OPRM1: variants seen among roughly 807,000 people sequenced by gnomAD.
OPRM1 encodes the protein mu-type opioid receptor.
Under a neutral mutation model 31.8 loss-of-function variants are expected in OPRM1, and 27 were observed. The observed-to-expected ratio is 0.85, with a 90% CI of 0.63 to 1.17. The LOEUF (loss-of-function observed/expected upper bound fraction) is 1.17, where lower values mean the gene tolerates loss of function less well. OPRM1 is among the 50% of genes most tolerant of loss of function. The pLI, the probability that OPRM1 is intolerant of heterozygous loss-of-function variation, is 0.00. For synonymous variants in OPRM1, 196 were observed against 189.9 expected (o/e 1.03, Z -0.26); for missense variants, 536 against 511.1 (o/e 1.05, Z -0.47).
intron 3 of OPRM1, among the ~76,000 whole-genome samples, chr6:154,147,626 T>C (rs1411410371): frequency 6.6e-6 from 1 of 152,168 alleles, no homozygotes; most frequent in Non-Finnish European, 1.5e-5. Flanking sequence ...CTTCTTCTAT[T>C]AAGAAACAGC....
At chr6:154,244,706 C>G (rs1020823231) in intron 3 of OPRM1, among the ~76,000 whole-genome samples, 3 of 152,166 alleles carry the variant, frequency 2.0e-5, no homozygotes, top group African/African-American at 7.2e-5. Flanking sequence ...GCCAAGCCAG[C>G]CCAATCTGGA....
At chr6:154,043,543 A>G (rs1780502650) in intron 1 of OPRM1, among the ~76,000 whole-genome samples, 1 of 151,288 alleles carries the variant, frequency 6.6e-6, no homozygotes, top group African/African-American at 2.4e-5. Context: ...GTGTGTATAT[A>G]TATATATATA....
At chr6:154,035,972 A>G (rs1779278179), upstream of OPRM1, among the ~76,000 whole-genome samples, 1 of 152,114 alleles carries the variant, frequency 6.6e-6, no homozygotes, top group Non-Finnish European at 1.5e-5. Flanking sequence ...TGGGATCAAT[A>G]CTGTATGAAA....
At chr6:154,140,284 A>G (rs1426414727) in intron 3 of OPRM1, among the ~76,000 whole-genome samples, 1 of 152,090 alleles carries the variant, frequency 6.6e-6, no homozygotes, top group Non-Finnish European at 1.5e-5. Context: ...GGTTTATTTC[A>G]TCATCAGCCT....
At position 154,127,289 on chromosome 6, in the gene OPRM1, G is replaced by A. The variant is rs1328555888; in HGVS notation, c.*8568G>A. ...GTGGCCATTATCATCTAAGGATTCC[G>A]CCAGAGACTTCCAAAAGAAGAGGTC... On this transcript the variant is annotated 3_prime_UTR_variant, in exon 4 of 4. Coordinates refer to ENST00000330432, the MANE Select transcript of OPRM1 (RefSeq NM_000914.5). Among the ~76,000 whole-genome samples the A allele has an allele frequency of 2.6e-5, 4 of 152,004 alleles. No homozygotes were observed. Among genetic ancestry groups the A allele is most frequent in the East Asian group, 1.9e-4 (1 of 5,178 alleles).
intron 3 of OPRM1, among the ~76,000 whole-genome samples, chr6:154,193,607 A>C (rs942172158): frequency 6.6e-6 from 1 of 152,240 alleles, no homozygotes; most frequent in Admixed American, 6.5e-5. Flanking sequence ...AAAAGAAAGA[A>C]AACCAAGGAT....
chr6:154,167,335 C>A (rs182796848), intron 3 of OPRM1, among the ~76,000 whole-genome samples: 1 of 152,314 alleles, frequency 6.6e-6, no homozygotes, highest in Admixed American at 6.5e-5. Context: ...TTCCCTTATT[C>A]CCATTGTGAA....
At chr6:154,012,949 A>G (rs1050131278) in intron 1 of OPRM1, among the ~76,000 whole-genome samples, 28 of 151,962 alleles carry the variant, frequency 1.8e-4, no homozygotes, top group African/African-American at 6.5e-4. Context: ...CACCCTCATG[A>G]CCCAACCACC....
chr6:154,021,192 T>G (rs1022428876), intron 1 of OPRM1, among the ~76,000 whole-genome samples: 2 of 152,238 alleles, frequency 1.3e-5, no homozygotes, highest in Non-Finnish European at 2.9e-5. Context: ...CATCCCATTG[T>G]TCAGCACCAT....
chr6:154,195,293 G>A (rs528393606), intron 3 of OPRM1, among the ~76,000 whole-genome samples: 13 of 151,706 alleles, frequency 8.6e-5, no homozygotes, highest in African/African-American at 1.2e-4. Flanking sequence ...GACTACAGGC[G>A]CCCGCCACCA....
chr6:154,166,145 C>T (rs1208891642), intron 3 of OPRM1, among the ~76,000 whole-genome samples: 1 of 152,228 alleles, frequency 6.6e-6, no homozygotes, highest in African/African-American at 2.4e-5. Context: ...TTTGGAGTTG[C>T]TAAGCTTTGG....
chr6:154,173,025 A>G (rs1800002036), intron 3 of OPRM1, among the ~76,000 whole-genome samples: 2 of 152,256 alleles, frequency 1.3e-5, no homozygotes, highest in East Asian at 1.9e-4. Context: ...CCAGGCAAAC[A>G]GGGTCTGGAG....
rs202227402 is a variant in OPRM1 at position 154,039,717 on chromosome 6, T to C, written c.173T>C (p.Leu58Pro). Residue 58 changes from leucine to proline, a missense_variant, in exon 1 of 4, where the codon CTG (leucine) becomes CCG (proline). Leu to Pro is a moderately conservative substitution (Grantham distance 98). Transcript: ENST00000330432. ...ACCGACCTGGGCGGGAGAGACAGCCTGTGCCCTCCGACCGGCAGTCCCTCC... is the reference window on the plus strand; with the variant it reads ...ACCGACCTGGGCGGGAGAGACAGCCCGTGCCCTCCGACCGGCAGTCCCTCC... ...NRTDLGGRDS[L>P]CPPTGSPSMI... 12 of 1,612,500 alleles carry C rather than the reference T, an allele frequency of 7.4e-6. No homozygotes were observed. The highest frequency in any genetic ancestry group is 3.3e-4 in the Middle Eastern group (2 of 6,062).
At chr6:154,178,507 C>T (rs1254471469) in intron 3 of OPRM1, among the ~76,000 whole-genome samples, 3 of 152,090 alleles carry the variant, frequency 2.0e-5, no homozygotes, top group Non-Finnish European at 4.4e-5. Flanking sequence ...CTTCCTCCCC[C>T]TCTTCCATTT....
At chr6:154,217,800 G>A (rs1173207544) in intron 3 of OPRM1, among the ~76,000 whole-genome samples, 5 of 152,262 alleles carry the variant, frequency 3.3e-5, no homozygotes, top group South Asian at 4.1e-4. Flanking sequence ...GCATCTAAAA[G>A]TGAAATAGGG....
intron 1 of OPRM1, chr6:154,089,621 G>A (rs1791539359): frequency 3.6e-6 from 2 of 553,926 alleles, no homozygotes; most frequent in Non-Finnish European, 3.2e-6. Context: ...CAACAAAGCA[G>A]CATCGTTGCT....
At chr6:154,231,845 A>G (rs1468187331) in intron 3 of OPRM1, among the ~76,000 whole-genome samples, 2 of 152,230 alleles carry the variant, frequency 1.3e-5, no homozygotes, top group Non-Finnish European at 2.9e-5. Flanking sequence ...TCAAAAACAA[A>G]CACGAAAAAG....
chr6:154,195,348 C>T (rs1214552141), intron 3 of OPRM1, among the ~76,000 whole-genome samples: 2 of 152,074 alleles, frequency 1.3e-5, no homozygotes, highest in African/African-American at 2.4e-5. Flanking sequence ...GGGGTTTCAC[C>T]ATGTTAGCCA....
chr6:154,233,819 G>A (rs1198835705), intron 3 of OPRM1, among the ~76,000 whole-genome samples: 1 of 152,172 alleles, frequency 6.6e-6, no homozygotes, highest in Non-Finnish European at 1.5e-5. Flanking sequence ...TTCTCTGGCT[G>A]CCCTATTCCA....
Sources: allele counts gnomAD v4.1 joint callset (sites outside exome capture counted in the v4.1 genomes callset), GRCh38; gene constraint gnomAD v4.1.1; transcripts MANE v1.5; gene names NCBI Gene and HGNC (gene_info 2026-07-23, HGNC 2026-07-21).